The following GNAQ variants were observed in gnomAD, a reference collection of about 807,000 sequenced individuals.
The protein encoded by GNAQ is guanine nucleotide-binding protein G(q) subunit alpha.
GNAQ carries 8 observed loss-of-function variants against 43.9 expected under a neutral mutation model. The observed-to-expected ratio is 0.18, with a 90% CI of 0.11 to 0.33. The LOEUF is 0.33. GNAQ is among the 10% of genes least tolerant of loss of function. The pLI is 1.00. For synonymous variants in GNAQ, 155 were observed against 170.7 expected (o/e 0.91, Z 0.71); for missense variants, 158 against 450.8 (o/e 0.35, Z 5.88).
At chr9:77,937,197 C>T (rs1386132473) in intron 1 of GNAQ, among the ~76,000 whole-genome samples, 2 of 152,202 alleles carry the variant, frequency 1.3e-5, no homozygotes, top group Non-Finnish European at 2.9e-5. Flanking sequence ...AATCCCAGCA[C>T]TTTGGGAGGC....
intron 6 of GNAQ, 89 bp downstream of exon 6, chr9:77,728,425 G>A (rs1046980048): frequency 1.0e-5 from 9 of 865,156 alleles, no homozygotes; most frequent in Non-Finnish European, 1.8e-5. Flanking sequence ...GGGCAGCAAT[G>A]GTGCACTGTA....
chr9:77,957,019 G>A (rs545476339), intron 1 of GNAQ, among the ~76,000 whole-genome samples: 13 of 152,276 alleles, frequency 8.5e-5, no homozygotes, highest in African/African-American at 2.9e-4. Context: ...TCGTTTAAGA[G>A]TACAGCCCGG....
chr9:77,772,165 A>C (rs1352262483), intron 5 of GNAQ, among the ~76,000 whole-genome samples: 3 of 152,218 alleles, frequency 2.0e-5, no homozygotes, highest in Non-Finnish European at 4.4e-5. Flanking sequence ...CCCCCAACCC[A>C]CACACATGTA....
chr9:77,750,735 G>T (rs1258139003), intron 5 of GNAQ, among the ~76,000 whole-genome samples: 1 of 152,032 alleles, frequency 6.6e-6, no homozygotes, highest in Non-Finnish European at 1.5e-5. Flanking sequence ...AACCTCCCTG[G>T]GCTTTTCTTT....
chr9:77,726,001 TAAG>T (rs1324290473), intron 6 of GNAQ, among the ~76,000 whole-genome samples: 6 of 150,444 alleles, frequency 4.0e-5, no homozygotes, highest in East Asian at 1.9e-4. Context: ...CAAGAAAAAT[TAAG>T]AAGAACCTCG....
intron 1 of GNAQ, among the ~76,000 whole-genome samples, chr9:77,956,791 T>C (rs1823046161): frequency 6.6e-6 from 1 of 152,208 alleles, no homozygotes; most frequent in South Asian, 2.1e-4. Context: ...GAGCCCTTCC[T>C]GTGCACTGCG....
rs78669606 is a variant in GNAQ at position 77,884,928 on chromosome 9, G to A, written c.321+37233C>T. Among the ~76,000 whole-genome samples the A allele has an allele frequency of 4.1e-3, 631 of 152,296 alleles. 4 individuals carry two copies. Among genetic ancestry groups the A allele is most frequent in the African/African-American group, 0.015 (604 of 41,576 alleles). On this transcript the variant is annotated intron_variant, in intron 2 of 6. Coordinates refer to ENST00000286548, the MANE Select transcript of GNAQ (RefSeq NM_002072.5). ...GTACTATTCTCCTTTGTAGCTTTGT[G>A]ATCTTGCGGAAATACACCCATTTCT...
intron 5 of GNAQ, among the ~76,000 whole-genome samples, chr9:77,760,908 G>A (rs533548258): frequency 8.1e-4 from 120 of 148,104 alleles, no homozygotes; most frequent in African/African-American, 2.8e-3. Flanking sequence ...GACCCCGTCT[G>A]GGAGGTGAGG....
intron 5 of GNAQ, among the ~76,000 whole-genome samples, chr9:77,746,524 A>G (rs945162591): frequency 6.6e-6 from 1 of 152,212 alleles, no homozygotes; most frequent in African/African-American, 2.4e-5. Context: ...TCAGTGAATT[A>G]GAAAAGAATC....
intron 5 of GNAQ, among the ~76,000 whole-genome samples, chr9:77,758,017 T>C (rs1342543698): frequency 3.3e-5 from 5 of 152,226 alleles, no homozygotes; most frequent in African/African-American, 9.6e-5. Context: ...ACTATTAATA[T>C]AATGCTTCTT....
intron 1 of GNAQ, among the ~76,000 whole-genome samples, chr9:78,008,492 G>A (rs1321285418): frequency 1.3e-5 from 2 of 151,918 alleles, no homozygotes; most frequent in Admixed American, 1.3e-4. Flanking sequence ...CCATCCAACT[G>A]GAAAAACTGA....
chr9:77,866,419 G>A (rs867015770), intron 2 of GNAQ, among the ~76,000 whole-genome samples: 6 of 152,320 alleles, frequency 3.9e-5, no homozygotes, highest in Middle Eastern at 3.4e-3. Flanking sequence ...GGAGGTTGCA[G>A]TAAGCTGAGT....
intron 2 of GNAQ, among the ~76,000 whole-genome samples, chr9:77,904,444 T>G (rs1031531009): frequency 1.3e-5 from 2 of 148,362 alleles, no homozygotes; most frequent in African/African-American, 5.0e-5. Flanking sequence ...CCCATTCTCC[T>G]GCCTCAGCCT....
chr9:77,983,326 C>T (rs1431236908), intron 1 of GNAQ, among the ~76,000 whole-genome samples: 1 of 152,124 alleles, frequency 6.6e-6, no homozygotes, highest in Non-Finnish European at 1.5e-5. Context: ...TATTAGTAGC[C>T]AACTCTTGCT....
intron 2 of GNAQ, among the ~76,000 whole-genome samples, chr9:77,902,316 C>A (rs1193082388): frequency 6.6e-6 from 1 of 152,144 alleles, no homozygotes; most frequent in Non-Finnish European, 1.5e-5. Context: ...TGAAGAATAT[C>A]ATTTTCTCTT....
chr9:77,795,867 A>G (rs534851116), intron 4 of GNAQ, among the ~76,000 whole-genome samples: 3 of 152,352 alleles, frequency 2.0e-5, no homozygotes, highest in African/African-American at 7.2e-5. Flanking sequence ...CTTTTACTGT[A>G]GTGGCAAAAA....
Position 77,782,206 on chromosome 9 carries a change from TCTC to T in GNAQ, c.735+12254_735+12256del, listed in dbSNP as rs1471503450. On this transcript the variant is annotated intron_variant, in intron 5 of 6. Coordinates refer to ENST00000286548, the MANE Select transcript of GNAQ (RefSeq NM_002072.5). Reference sequence around the variant, plus strand: ...ATAAAAGAAAAGCTTAAAAAAAAAATCTCCTGGAAATATTAAGTGATTATAGCC... The same window carrying T: ...ATAAAAGAAAAGCTTAAAAAAAAAATCTGGAAATATTAAGTGATTATAGCC... Among the ~76,000 whole-genome samples, 3 of 151,344 alleles carry T rather than the reference TCTC, an allele frequency of 2.0e-5. No individual in the cohort carries two copies. The East Asian group carries it at 5.9e-4, about 30-fold the overall frequency.
intron 1 of GNAQ, among the ~76,000 whole-genome samples, chr9:78,007,835 C>G (rs1173003026): frequency 6.6e-6 from 1 of 152,160 alleles, no homozygotes; most frequent in African/African-American, 2.4e-5. Flanking sequence ...GCTTCCAAGA[C>G]TGAACTCTCC....
chr9:77,810,207 C>CATCTATCTATCTAACT, intron 3 of GNAQ, among the ~76,000 whole-genome samples: 1 of 144,970 alleles, frequency 6.9e-6, no homozygotes, highest in African/African-American at 2.6e-5. Context: ...AACTGTCAAT[C>CATCTATCTATCTAACT]ATCTATCTAT....
Sources: gnomAD v4.1 joint callset for allele counts (sites outside exome capture counted in the v4.1 genomes callset) on GRCh38, gnomAD v4.1.1 for gene constraint, MANE v1.5 for transcripts, NCBI Gene and HGNC (gene_info 2026-07-23, HGNC 2026-07-21) for gene names.